PIK3CA: variants seen among roughly 807,000 people sequenced by gnomAD.
PIK3CA encodes the protein phosphatidylinositol-4,5-bisphosphate 3-kinase catalytic subunit alpha, also known as phosphatidylinositol 4,5-bisphosphate 3-kinase catalytic subunit alpha isoform.
PIK3CA carries 27 observed loss-of-function variants against 138.2 expected under a neutral mutation model. That is an observed-to-expected ratio of 0.20 (90% CI 0.14 to 0.27). The LOEUF is 0.27. PIK3CA is among the 10% of genes least tolerant of loss of function. The probability of loss-of-function intolerance (pLI) is 1.00; values close to 1 mark genes in which losing one functional copy is unlikely to be tolerated. For synonymous variants in PIK3CA, 358 were observed against 413.2 expected (o/e 0.87, Z 1.62); for missense variants, 544 against 1,277.4 (o/e 0.43, Z 8.75).
rs749831764 is a variant in PIK3CA at position 179,173,404 on chromosome 3, C to CAAAAA, written c.-77+24821_-77+24825dup. ...TGAAACCCCGTCTCTGCTAAAAATA[C>CAAAAA]AAAAAAAAAAAAAAAAAAAAAAAAC... is the stretch of plus-strand genomic sequence containing the variant. On this transcript the variant is annotated intron_variant, in intron 1 of 20. Coordinates refer to ENST00000263967, the MANE Select transcript of PIK3CA (RefSeq NM_006218.4). 4.6e-4 allele frequency among the ~76,000 whole-genome samples: 20 copies of CAAAAA among 43,108 alleles called. 1 individual carries two copies. Among genetic ancestry groups the CAAAAA allele is most frequent in the African/African-American group, 1.1e-3 (14 of 12,604 alleles). 28.3% of individuals were successfully genotyped at this position (43,108 alleles called of 152,430 possible).
chr3:179,235,467 A>T lies in PIK3CA; in HGVS notation c.*1103A>T, dbSNP rs1232771459. 3.2e-5 allele frequency: 6 copies of T among 189,490 alleles called. No individual in the cohort carries two copies. Among genetic ancestry groups the T allele is most frequent in the Non-Finnish European group, 6.7e-5 (6 of 90,102 alleles). 11.7% of individuals were successfully genotyped at this position (189,490 alleles called of 1,614,324 possible). On this transcript the variant is annotated 3_prime_UTR_variant, in exon 21 of 21. Transcript: ENST00000263967. Reference sequence around the variant, plus strand: ...ATGAGGCTCAGGCACTATCCCATTTATACCAATAACCAGTGTATAACTACT... The same window carrying T: ...ATGAGGCTCAGGCACTATCCCATTTTTACCAATAACCAGTGTATAACTACT...
At chr3:179,184,839 G>A (rs183716484) in intron 1 of PIK3CA, among the ~76,000 whole-genome samples, 3 of 152,154 alleles carry the variant, frequency 2.0e-5, no homozygotes, top group African/African-American at 7.2e-5. Context: ...TAAAAGTTTG[G>A]TATGAAAGAC....
chr3:179,199,628 A>G, intron 2 of PIK3CA, 62 bp from the exon 3 acceptor site: 2 of 1,243,126 alleles, frequency 1.6e-6, no homozygotes, highest in Admixed American at 2.0e-5. Flanking sequence ...TGTTTGCAAA[A>G]AAAACATGTT....
upstream of PIK3CA, chr3:179,148,158 T>G (rs916332690): frequency 6.6e-6 from 1 of 150,998 alleles, no homozygotes; most frequent in Non-Finnish European, 1.5e-5. Flanking sequence ...TCTTACCCTC[T>G]TCTGCCGGAG....
chr3:179,187,481 T>G (rs1576926494), intron 1 of PIK3CA, among the ~76,000 whole-genome samples: 1 of 123,244 alleles, frequency 8.1e-6, no homozygotes. Context: ...GAGGTTGCAG[T>G]GAGCCGAGAT....
In PIK3CA at chr3:179,219,780, A is replaced by G. The variant is rs575006906; in HGVS notation, c.1911+45A>G. The G allele has an allele frequency of 2.8e-6, 4 of 1,429,074 alleles. No individual in the cohort carries two copies. The East Asian group carries it at 9.9e-5, about 36-fold the overall frequency. The allele number at this position is 1,429,074 out of a possible 1,614,324, so 88.5% of individuals were successfully genotyped here. ...TAAATAATGTTTAATTACAATAATA[A>G]TTTATTCTAGATCCATACAACTTCC... On this transcript the variant is annotated intron_variant, in intron 12 of 20. Transcript: ENST00000263967. The surrounding 1 kb of genome is among the most constrained non-coding windows in gnomAD (Gnocchi z 4.2).
chr3:179,167,902 A>G (rs1413088523), intron 1 of PIK3CA, among the ~76,000 whole-genome samples: 2 of 152,164 alleles, frequency 1.3e-5, no homozygotes, highest in African/African-American at 4.8e-5. Flanking sequence ...TGTGAAAACC[A>G]TAAAAACGGT....
intron 1 of PIK3CA, among the ~76,000 whole-genome samples, chr3:179,192,678 CTCTG>C (rs1465589903): frequency 6.6e-6 from 1 of 152,242 alleles, no homozygotes; most frequent in African/African-American, 2.4e-5. Flanking sequence ...ATCTGCTCAA[CTCTG>C]TTGTTGCAGT....
chr3:179,149,769 C>T (rs1441332016), intron 1 of PIK3CA: 1 of 152,150 alleles, frequency 6.6e-6, no homozygotes, highest in African/African-American at 2.4e-5. Context: ...GACTTTTGAA[C>T]CACTGAGGGC....
At chr3:179,151,143 G>A (rs950383286) in intron 1 of PIK3CA, among the ~76,000 whole-genome samples, 1 of 152,134 alleles carries the variant, frequency 6.6e-6, no homozygotes, top group Non-Finnish European at 1.5e-5. Flanking sequence ...GAATATCATG[G>A]TTTACATTTT....
At chr3:179,201,625 T>TTTTTTTTG (rs1724412572) in intron 4 of PIK3CA, 85 bp downstream of exon 4, 1 of 886,726 alleles carries the variant, frequency 1.1e-6, no homozygotes, top group Non-Finnish European at 1.7e-6. Context: ...TTTTTTTTTT[T>TTTTTTTTG]GAGACGGAAT....
intron 17 of PIK3CA, 123 bp from the exon 18 acceptor site, chr3:179,229,149 G>A (rs1438731379): frequency 9.3e-6 from 6 of 645,634 alleles, no homozygotes; most frequent in African/African-American, 1.8e-5. Flanking sequence ...TTAAAATTGG[G>A]GAAAGGCAGT....
intron 9 of PIK3CA, among the ~76,000 whole-genome samples, chr3:179,211,384 A>G (rs940959707): frequency 1.3e-5 from 2 of 152,182 alleles, no homozygotes; most frequent in Admixed American, 1.3e-4. Flanking sequence ...TTAAAATGCT[A>G]TGTAGGCTGG....
At chr3:179,176,519 A>G (rs1004682839) in intron 1 of PIK3CA, among the ~76,000 whole-genome samples, 4 of 152,178 alleles carry the variant, frequency 2.6e-5, no homozygotes, top group Admixed American at 6.5e-5. Context: ...TTGGTGACAC[A>G]AAGGTCTGTA....
chr3:179,185,809 G>T (rs1007497814), intron 1 of PIK3CA, among the ~76,000 whole-genome samples: 8 of 152,202 alleles, frequency 5.3e-5, no homozygotes, highest in African/African-American at 1.2e-4. Flanking sequence ...GTGGGAAGGG[G>T]TGTGGAGCTT....
intron 1 of PIK3CA, among the ~76,000 whole-genome samples, chr3:179,151,382 A>G (rs898659539): frequency 3.3e-5 from 5 of 152,180 alleles, no homozygotes; most frequent in African/African-American, 1.2e-4. Flanking sequence ...TTAGGGCCCA[A>G]GGAGGCTTAA....
intron 3 of PIK3CA, among the ~76,000 whole-genome samples, 158 bp downstream of exon 3, chr3:179,200,057 A>G: frequency 6.6e-6 from 1 of 150,472 alleles, no homozygotes; most frequent in South Asian, 2.4e-4. Flanking sequence ...AGTGCTAAAT[A>G]GAAATTATGT....
rs768930989 is a variant in PIK3CA at position 179,229,407 on chromosome 3, A to G, written c.2631A>G (p.Leu877=). ...CACTGCAGTTCAACAGCCACACACT[A>G]CATCAGTGGCTCAAAGACAAGAACA... The part of the protein sequence containing the change: ...KGALQFNSHT[L]HQWLKDKNKG... Residue 877 remains leucine, a synonymous_variant, in exon 18 of 21, where the codon CTA becomes CTG. Coordinates refer to ENST00000263967, the MANE Select transcript of PIK3CA (RefSeq NM_006218.4). The G allele has an allele frequency of 6.2e-7, 1 of 1,612,686 alleles. No individual in the cohort carries two copies. The highest frequency in any genetic ancestry group is 1.3e-5 in the African/African-American group (1 of 74,864).
At position 179,203,927 on chromosome 3, in the gene PIK3CA, T is replaced by C. The variant is rs773031517; in HGVS notation, c.1059+138T>C. On this transcript the variant is annotated intron_variant, in intron 5 of 20. Transcript: ENST00000263967. Reference sequence around the variant, plus strand: ...ACATCCAAATCTCCGAATGTAAAAATATATCAAGAATTTTACTTGAGCTTC... The same window carrying C: ...ACATCCAAATCTCCGAATGTAAAAACATATCAAGAATTTTACTTGAGCTTC... The C allele has an allele frequency of 4.6e-5, 28 of 608,812 alleles. 1 individual carries two copies. Among genetic ancestry groups the C allele is most frequent in the South Asian group, 1.0e-4 (4 of 38,674 alleles). The allele number at this position is 608,812 out of a possible 1,614,324, so 37.7% of individuals were successfully genotyped here.
Sources: gnomAD v4.1 joint callset for allele counts (sites outside exome capture counted in the v4.1 genomes callset) on GRCh38, gnomAD v4.1.1 for gene constraint, Gnocchi (gnomAD v3.1) non-coding constraint, MANE v1.5 for transcripts, NCBI Gene and HGNC (gene_info 2026-07-23, HGNC 2026-07-21) for gene names.